The following PLEKHA4 variants were observed in gnomAD, a reference collection of about 807,000 sequenced individuals.
PLEKHA4 encodes pleckstrin homology domain containing A4.
In PLEKHA4, 73 loss-of-function variants were observed where a neutral mutation model predicts 94.7. The observed-to-expected ratio is 0.77, with a 90% CI of 0.64 to 0.94. The LOEUF (loss-of-function observed/expected upper bound fraction) is 0.94, where lower values mean the gene tolerates loss of function less well. Ranked by LOEUF, PLEKHA4 falls within the 40% of genes least tolerant of loss-of-function variation. The pLI is 0.00. For missense variants in PLEKHA4, 1,049 were observed against 1,054.1 expected, an observed-to-expected ratio of 1.00 and a Z score of 0.07; for synonymous variants, 449 against 437.1, an observed-to-expected ratio of 1.03 and a Z score of -0.34.
At chr19:48,852,444 G>T in intron 12 of PLEKHA4, 118 bp from the exon 13 acceptor site, 1 of 734,600 alleles carries the variant, frequency 1.4e-6, no homozygotes, top group Non-Finnish European at 2.3e-6. Flanking sequence ...GAGCCCTGCA[G>T]GCGTATGGAC....
At position 48,867,544 on chromosome 19, in the gene PLEKHA4, C is replaced by A; in HGVS notation, c.77G>T (p.Ser26Ile). ...ASTISSLSSL[S>I]PKKPTRAVNK... Reference sequence around the variant, plus strand: ...CCGCCAGGAAGCTCAAACCTTGGGGCTCAGGCTGCTGAGCGAGGAGATGGT... The same window carrying A: ...CCGCCAGGAAGCTCAAACCTTGGGGATCAGGCTGCTGAGCGAGGAGATGGT... Residue 26 changes from serine (S) to isoleucine (I), a missense_variant, in exon 2 of 20, where the codon AGC becomes ATC. Physicochemically the swap from Ser to Ile is moderately radical, Grantham distance 142 (BLOSUM62 -2). Transcript: ENST00000263265. This position sits in a 1 kb window ranked among gnomAD's most constrained non-coding sequence, Gnocchi z 4.7. The A allele has an allele frequency of 6.3e-6, 10 of 1,596,774 alleles. No individual in the cohort carries two copies. The highest frequency in any genetic ancestry group is 8.5e-6 in the Non-Finnish European group (10 of 1,174,272).
intron 13 of PLEKHA4, among the ~76,000 whole-genome samples, chr19:48,849,291 GTTTT>G (rs918838393): frequency 6.6e-6 from 1 of 151,844 alleles, no homozygotes; most frequent in Non-Finnish European, 1.5e-5. Context: ...GGCATCAATG[GTTTT>G]TTGTTTTTTG....
At chr19:48,853,883 GAAGA>G in intron 11 of PLEKHA4, 52 bp from the exon 12 acceptor site, 5 of 1,587,202 alleles carry the variant, frequency 3.2e-6, no homozygotes, top group Non-Finnish European at 4.3e-6. Flanking sequence ...CTAGCCCCAA[GAAGA>G]AAGAAAAGAT....
chr19:48,865,465 A>G, intron 3 of PLEKHA4, 38 bp downstream of exon 3: 2 of 1,520,494 alleles, frequency 1.3e-6, no homozygotes, highest in Non-Finnish European at 1.8e-6. Context: ...GCCGGGGCAC[A>G]GACTTCAGTG....
At chr19:48,861,924 G>C (rs1033304419) in intron 3 of PLEKHA4, among the ~76,000 whole-genome samples, 1 of 152,006 alleles carries the variant, frequency 6.6e-6, no homozygotes, top group Admixed American at 6.6e-5. Context: ...CCAGGAGTTT[G>C]AGACCAGCTT....
At position 48,845,369 on chromosome 19, in the gene PLEKHA4, C is replaced by A. The variant is rs2035925635; in HGVS notation, c.1743+1G>T. The A allele has an allele frequency of 1.2e-6, 2 of 1,612,406 alleles. No individual in the cohort carries two copies. The highest frequency in any genetic ancestry group is 4.5e-5 in the East Asian group (2 of 44,866). On this transcript the variant is annotated splice_donor_variant, in intron 16 of 19. Coordinates refer to ENST00000263265, the MANE Select transcript of PLEKHA4 (RefSeq NM_020904.3). LOFTEE classifies it high-confidence loss of function. ...GATTACAGGATGGACCTACAGCTTACCTTGGTTCCTAGCTGTGGGGAAGGG... is the reference window on the plus strand; with the variant it reads ...GATTACAGGATGGACCTACAGCTTAACTTGGTTCCTAGCTGTGGGGAAGGG...
chr19:48,863,557 A>G (rs2036725650), intron 3 of PLEKHA4, among the ~76,000 whole-genome samples: 1 of 151,122 alleles, frequency 6.6e-6, no homozygotes, highest in African/African-American at 2.4e-5. Context: ...CAGCCTCCCA[A>G]GTAGCTGGGA....
intron 17 of PLEKHA4, 151 bp from the exon 18 acceptor site, chr19:48,839,414 T>G: frequency 2.1e-6 from 1 of 476,138 alleles, no homozygotes; most frequent in Non-Finnish European, 3.8e-6. Flanking sequence ...CTGTAGGCAC[T>G]GAATTTTTAA....
At chr19:48,861,930 A>C (rs964002079) in intron 3 of PLEKHA4, among the ~76,000 whole-genome samples, 9 of 152,024 alleles carry the variant, frequency 5.9e-5, no homozygotes, top group African/African-American at 9.7e-5. Context: ...GTTTGAGACC[A>C]GCTTGGGTAA....
intron 17 of PLEKHA4, among the ~76,000 whole-genome samples, chr19:48,839,946 A>C (rs551410919): frequency 1.0e-5 from 1 of 95,902 alleles, no homozygotes; most frequent in East Asian, 2.2e-4. Flanking sequence ...CTAAAAATAC[A>C]AAAAAAAAAA....
At position 48,865,560 on chromosome 19, in the gene PLEKHA4, A is replaced by AT; in HGVS notation, c.134dup (p.Asn45LysfsTer19). On this transcript the variant is annotated frameshift_variant, in exon 3 of 20. Coordinates refer to ENST00000263265, the MANE Select transcript of PLEKHA4 (RefSeq NM_020904.3). LOFTEE classifies it high-confidence loss of function. The stretch of plus-strand genomic sequence containing the variant: ...GAAGGTTGGGATCCCTCCTGAGCGC[A>AT]TTGCCTCTCTTCCCAAAGGCGTGGA... 5 of 1,614,038 alleles carry AT rather than the reference A, an allele frequency of 3.1e-6. No individual in the cohort carries two copies. Among genetic ancestry groups the AT allele is most frequent in the Non-Finnish European group, 4.2e-6 (5 of 1,180,002 alleles).
chr19:48,851,059 T>G (rs192749249), intron 13 of PLEKHA4, among the ~76,000 whole-genome samples: 1 of 152,056 alleles, frequency 6.6e-6, no homozygotes, highest in African/African-American at 2.4e-5. Flanking sequence ...GAGAATCGTT[T>G]GAACCTGGGA....
chr19:48,856,397 C>T (rs2123073857), intron 9 of PLEKHA4, among the ~76,000 whole-genome samples: 1 of 130,282 alleles, frequency 7.7e-6, no homozygotes, highest in South Asian at 2.3e-4. Context: ...TCCTGGCTAA[C>T]ACAGTGAAAC....
chr19:48,854,207 G>A lies in PLEKHA4; in HGVS notation c.1095+10C>T. ...GGAACTCAGCAAGGATTAGATCAGT[G>A]ACAACTTACATCTGTCTCCAAGCTT... On this transcript the variant is annotated intron_variant, in intron 10 of 19. Coordinates refer to ENST00000263265, the MANE Select transcript of PLEKHA4 (RefSeq NM_020904.3). 1 of 1,613,872 alleles carries A rather than the reference G, an allele frequency of 6.2e-7. No individual in the cohort carries two copies. Among genetic ancestry groups the A allele is most frequent in the Non-Finnish European group, 8.5e-7 (1 of 1,179,782 alleles).
intron 3 of PLEKHA4, among the ~76,000 whole-genome samples, chr19:48,862,933 A>G (rs2036699845): frequency 6.6e-6 from 1 of 152,188 alleles, no homozygotes; most frequent in South Asian, 2.1e-4. Context: ...CATGGACCAC[A>G]TATGGGCAGA....
In PLEKHA4 at chr19:48,867,467, C is replaced by T. The variant is rs2123208083; in HGVS notation, c.84+70G>A. On this transcript the variant is annotated intron_variant, in intron 2 of 19. Transcript: ENST00000263265. The surrounding 1 kb of genome is among the most constrained non-coding windows in gnomAD (Gnocchi z 4.7). ...ATCTTTGTCCTTAACAACCAGAGTC[C>T]TTGGGGAAACAGAAGGATGGGCGGC... 2 of 1,512,800 alleles carry T rather than the reference C, an allele frequency of 1.3e-6. No homozygotes were observed. The highest frequency in any genetic ancestry group is 1.2e-5 in the South Asian group (1 of 83,300). 93.7% of individuals were successfully genotyped at this position (1,512,800 alleles called of 1,614,324 possible).
In PLEKHA4 at chr19:48,859,903, C is replaced by G. The variant is rs928304893; in HGVS notation, c.477-219G>C. 2.0e-5 allele frequency: 12 copies of G among 602,524 alleles called. No individual in the cohort carries two copies. In the African/African-American group the frequency reaches 2.0e-4, roughly 10 times the overall value. 37.3% of individuals were successfully genotyped at this position (602,524 alleles called of 1,614,324 possible). A position where few individuals can be genotyped will look rare whatever the true frequency, so the allele number is the denominator to read the frequency against. On this transcript the variant is annotated intron_variant, in intron 6 of 19. Coordinates refer to ENST00000263265, the MANE Select transcript of PLEKHA4 (RefSeq NM_020904.3). Reference sequence around the variant, plus strand: ...ATCCAGGTTGCTGGACCCAATGCCCCGGAATATGGGATAGACTCAGCCAGG... The same window carrying G: ...ATCCAGGTTGCTGGACCCAATGCCCGGGAATATGGGATAGACTCAGCCAGG...
intron 3 of PLEKHA4, among the ~76,000 whole-genome samples, chr19:48,862,057 T>G (rs1286423301): frequency 6.7e-6 from 1 of 150,178 alleles, no homozygotes; most frequent in Non-Finnish European, 1.5e-5. Flanking sequence ...AGCCTGGGAG[T>G]GGGGTGGAGG....
chr19:48,867,539 T>C lies in PLEKHA4; in HGVS notation c.82A>G (p.Lys28Glu). ...CATCCCCGCCAGGAAGCTCAAACCTTGGGGCTCAGGCTGCTGAGCGAGGAG... is the reference window on the plus strand; with the variant it reads ...CATCCCCGCCAGGAAGCTCAAACCTCGGGGCTCAGGCTGCTGAGCGAGGAG... ...TISSLSSLSP[K>E]KPTRAVNKIH... is the part of the protein sequence containing the mutation. The change falls in exon 2 of 20, where the codon AAG (lysine) becomes GAG (glutamate). Residue 28 changes from lysine (K) to glutamate (E), a missense_variant and splice_region_variant. Transcript: ENST00000263265. The surrounding 1 kb of genome is among the most constrained non-coding windows in gnomAD (Gnocchi z 4.7). 1 of 1,595,544 alleles carries C rather than the reference T, an allele frequency of 6.3e-7. No homozygotes were observed. Among genetic ancestry groups the C allele is most frequent in the Non-Finnish European group, 8.5e-7 (1 of 1,173,702 alleles).
Sources: gnomAD v4.1 joint callset for allele counts (sites outside exome capture counted in the v4.1 genomes callset) on GRCh38, gnomAD v4.1.1 for gene constraint, Gnocchi (gnomAD v3.1) non-coding constraint, MANE v1.5 for transcripts, NCBI Gene and HGNC (gene_info 2026-07-23, HGNC 2026-07-21) for gene names.